The following DOCK7 variants were observed in gnomAD, a reference collection of about 807,000 sequenced individuals.
DOCK7 encodes dedicator of cytokinesis protein 7.
DOCK7 carries 138 observed loss-of-function variants against 271.0 expected under a neutral mutation model. The ratio of observed to expected loss-of-function variants is 0.51; its 90% CI spans 0.44 to 0.59. DOCK7 has a LOEUF of 0.59. Among genes scored for constraint, DOCK7 ranks in the 20% least tolerant of loss-of-function variants. DOCK7 has a pLI of 0.00. For missense variants in DOCK7, 2,066 were observed against 2,592.4 expected (o/e 0.80, Z 4.41); for synonymous variants, 823 against 876.1 (o/e 0.94, Z 1.07).
chr1:62,535,657 G>T (rs781710939), intron 28 of DOCK7, 25 bp from the exon 29 acceptor site: 1 of 1,607,968 alleles, frequency 6.2e-7, no homozygotes, highest in East Asian at 2.2e-5. Context: ...GGCAGAACAA[G>T]ACTATAACAG....
chr1:62,660,244 A>C (rs1658510402), intron 2 of DOCK7, among the ~76,000 whole-genome samples: 1 of 152,240 alleles, frequency 6.6e-6, no homozygotes, highest in Admixed American at 6.5e-5. Flanking sequence ...TAGTAGAATC[A>C]AACTAGAAAG....
intron 43 of DOCK7, chr1:62,485,227 T>A (rs1021123197): frequency 2.0e-6 from 2 of 985,238 alleles, no homozygotes; most frequent in African/African-American, 3.5e-5. Context: ...TAAACAGCCA[T>A]TAAAGAACTG....
In DOCK7 at chr1:62,568,147, A is replaced by C. The variant is rs559313869; in HGVS notation, c.2113-6444T>G. ...GAAATTGCACAATTGCTCCTGAATG[A>C]CTGTTGGGTAAATAATGAAATTAGG... On this transcript the variant is annotated intron_variant, in intron 18 of 49. Transcript: ENST00000635253. Among the ~76,000 whole-genome samples, 25 of 149,174 alleles carry C rather than the reference A, an allele frequency of 1.7e-4. 1 individual carries two copies. In the South Asian group the frequency reaches 5.2e-3, roughly 31 times the overall value.
intron 21 of DOCK7, among the ~76,000 whole-genome samples, chr1:62,554,462 A>T (rs1571523781): frequency 1.1e-5 from 1 of 92,260 alleles, no homozygotes; most frequent in Non-Finnish European, 2.0e-5. Context: ...ACAGAGTGAG[A>T]CTCCATCTCA....
intron 31 of DOCK7, chr1:62,516,954 T>C (rs915218389): frequency 3.9e-5 from 6 of 152,448 alleles, no homozygotes; most frequent in African/African-American, 1.2e-4. Context: ...TGTCAGACTA[T>C]ACAACCTACT....
At chr1:62,587,459 T>C (rs1013089283) in intron 14 of DOCK7, among the ~76,000 whole-genome samples, 5 of 152,050 alleles carry the variant, frequency 3.3e-5, no homozygotes, top group South Asian at 2.1e-4. Context: ...TAGGGCAATA[T>C]AGAAATTTTA....
At position 62,470,023 on chromosome 1, in the gene DOCK7, TAAA is replaced by T. The variant is rs369317340; in HGVS notation, c.6212+3956_6212+3958del. On this transcript the variant is annotated intron_variant, in intron 48 of 49. Transcript: ENST00000635253. Reference sequence around the variant, plus strand: ...TATGGAAAACAGTGTGGAGATTCCTTAAAGAACTAATTCCTTAAAGAACTAAAA... The same window carrying T: ...TATGGAAAACAGTGTGGAGATTCCTTGAACTAATTCCTTAAAGAACTAAAA... Among the ~76,000 whole-genome samples, 51 of 152,222 alleles carry T rather than the reference TAAA, an allele frequency of 3.4e-4. No homozygotes were observed. In the East Asian group the frequency reaches 8.9e-3, roughly 26 times the overall value.
chr1:62,660,867 C>T (rs1033100619), intron 2 of DOCK7, among the ~76,000 whole-genome samples: 1 of 152,000 alleles, frequency 6.6e-6, no homozygotes, highest in African/African-American at 2.4e-5. Flanking sequence ...CTTTGGGAGG[C>T]CAAAGAGGAT....
chr1:62,570,589 T>C (rs979804719), intron 18 of DOCK7, among the ~76,000 whole-genome samples: 1 of 151,988 alleles, frequency 6.6e-6, no homozygotes, highest in Admixed American at 6.6e-5. Context: ...AAAAGGCCCA[T>C]ACAGCCAAGA....
chr1:62,472,454 TAAC>T (rs1482677998), intron 48 of DOCK7, among the ~76,000 whole-genome samples: 3 of 152,176 alleles, frequency 2.0e-5, no homozygotes, highest in Non-Finnish European at 2.9e-5. Context: ...CTACAGATAG[TAAC>T]ACTTAAGGAG....
At chr1:62,633,777 GA>G (rs1367117075) in intron 9 of DOCK7, 199 bp from the exon 10 acceptor site, 2 of 503,686 alleles carry the variant, frequency 4.0e-6, no homozygotes, top group Non-Finnish European at 7.0e-6. Context: ...GTAATGCAAA[GA>G]AACTACCATA....
In DOCK7 at chr1:62,583,229, G is replaced by C; in HGVS notation, c.1826C>G (p.Ser609Ter). The part of the protein sequence containing the change: ...MPVIFGKSSC[S>*]EFSKEAYTAV... ...TGTATAGGCTTCCTTTGAAAATTCTGAACAGCTAGATTTACCAAAGATTAC... is the reference window on the plus strand; with the variant it reads ...TGTATAGGCTTCCTTTGAAAATTCTCAACAGCTAGATTTACCAAAGATTAC... Residue 609 changes from serine (S) to a stop codon, truncating the protein, a stop_gained, in exon 16 of 50, where the codon TCA (serine) becomes TGA (stop). Coordinates refer to ENST00000635253, the MANE Select transcript of DOCK7 (RefSeq NM_001367561.1). LOFTEE classifies it high-confidence loss of function. 6.2e-7 allele frequency: 1 copy of C among 1,613,130 alleles called. No individual in the cohort carries two copies. Among genetic ancestry groups the C allele is most frequent in the Non-Finnish European group, 8.5e-7 (1 of 1,179,486 alleles).
intron 14 of DOCK7, chr1:62,604,572 T>TACAGTA: frequency 6.6e-7 from 1 of 1,511,890 alleles, no homozygotes; most frequent in Middle Eastern, 1.7e-4. Context: ...TACGGGGAAA[T>TACAGTA]ACAGTAACAG....
intron 43 of DOCK7, 47 bp downstream of exon 43, chr1:62,487,351 A>T: frequency 6.3e-7 from 1 of 1,585,426 alleles, no homozygotes. Context: ...AAGAAATCTG[A>T]TAAAATCAAT....
chr1:62,631,935 AGAC>A (rs1011565121), intron 10 of DOCK7, among the ~76,000 whole-genome samples: 1 of 152,228 alleles, frequency 6.6e-6, no homozygotes, highest in Admixed American at 6.5e-5. Flanking sequence ...AAGTAGAAGA[AGAC>A]TAAACGCTGG....
intron 47 of DOCK7, among the ~76,000 whole-genome samples, chr1:62,474,358 AT>A (rs1318711500): frequency 3.3e-5 from 5 of 152,280 alleles, no homozygotes; most frequent in Admixed American, 2.0e-4. Flanking sequence ...TCATTAATGT[AT>A]TTTGCTTTGT....
At chr1:62,571,961 A>C (rs1362314059) in intron 18 of DOCK7, among the ~76,000 whole-genome samples, 1 of 152,130 alleles carries the variant, frequency 6.6e-6, no homozygotes, top group African/African-American at 2.4e-5. Flanking sequence ...TGCTGGGCTT[A>C]ATACTTAGGT....
Position 62,663,016 on chromosome 1 carries a change from G to A in DOCK7, c.144+9C>T, listed in dbSNP as rs376840551. The A allele has an allele frequency of 1.1e-5, 17 of 1,595,392 alleles. No homozygotes were observed. Among genetic ancestry groups the A allele is most frequent in the African/African-American group, 8.1e-5 (6 of 74,430 alleles). ...CAAGAAGAGACTATATTTTGAATACGTTACTTACTGTGGTGTGATGGGATA... is the reference window on the plus strand; with the variant it reads ...CAAGAAGAGACTATATTTTGAATACATTACTTACTGTGGTGTGATGGGATA... On this transcript the variant is annotated intron_variant, in intron 2 of 49. Coordinates refer to ENST00000635253, the MANE Select transcript of DOCK7 (RefSeq NM_001367561.1).
chr1:62,556,998 T>C (rs1021062223), intron 20 of DOCK7, among the ~76,000 whole-genome samples: 5 of 151,924 alleles, frequency 3.3e-5, no homozygotes, highest in Non-Finnish European at 5.9e-5. Flanking sequence ...CCTTAGCAAA[T>C]CTTGCCTTCT....
Sources: gnomAD v4.1 joint callset for allele counts (sites outside exome capture counted in the v4.1 genomes callset) on GRCh38, gnomAD v4.1.1 for gene constraint, MANE v1.5 for transcripts, NCBI Gene and HGNC (gene_info 2026-07-23, HGNC 2026-07-21) for gene names.